The following RMDN3 variants were observed in gnomAD, a reference collection of about 807,000 sequenced individuals.
The protein encoded by RMDN3 is regulator of microtubule dynamics 3, also known as regulator of microtubule dynamics protein 3.
Under a neutral mutation model 61.8 loss-of-function variants are expected in RMDN3, and 41 were observed. The observed-to-expected ratio is 0.66, with a 90% confidence interval of 0.52 to 0.86. The LOEUF is 0.86. RMDN3 is among the 40% of genes least tolerant of loss of function. RMDN3 has a pLI of 0.00. For missense variants in RMDN3, 557 were observed against 585.3 expected (o/e 0.95, Z 0.50); for synonymous variants, 247 against 232.0 (o/e 1.06, Z -0.59).
Position 40,744,147 on chromosome 15 carries a change from A to G in RMDN3, c.810T>C (p.Tyr270=), listed in dbSNP as rs777358508. The change falls in exon 6 of 13, where the codon TAT becomes TAC. Residue 270 remains tyrosine, a splice_region_variant and synonymous_variant. Coordinates refer to ENST00000338376, the MANE Select transcript of RMDN3 (RefSeq NM_018145.3). Reference sequence around the variant, plus strand: ...GCCAGAGAAAGTCCTGCCGGCTTCCATACTGCAGACCAGACAGAAACGGGT... The same window carrying G: ...GCCAGAGAAAGTCCTGCCGGCTTCCGTACTGCAGACCAGACAGAAACGGGT... ...FQLLLNNKLV[Y]GSRQDFLWRL... The G allele has an allele frequency of 1.2e-6, 2 of 1,613,330 alleles. No homozygotes were observed. Among genetic ancestry groups the G allele is most frequent in the African/African-American group, 1.3e-5 (1 of 75,078 alleles).
rs771044381 is a variant in RMDN3 at position 40,754,790 on chromosome 15, C to G, written c.-7G>C. ...GGGCTCCCAGTCTAGACATGCTGCA[C>G]CTGCGGCCAGCAGAAGTCACCGGGA... On this transcript the variant is annotated splice_region_variant and 5_prime_UTR_variant, in exon 2 of 13. Coordinates refer to ENST00000338376, the MANE Select transcript of RMDN3 (RefSeq NM_018145.3). 6.7e-7 allele frequency: 1 copy of G among 1,501,448 alleles called. No homozygotes were observed. Among genetic ancestry groups the G allele is most frequent in the South Asian group, 1.2e-5 (1 of 85,876 alleles). The allele number at this position is 1,501,448 out of a possible 1,614,324, so 93.0% of individuals were successfully genotyped here.
chr15:40,749,368 T>C (rs916901056), intron 4 of RMDN3, among the ~76,000 whole-genome samples: 3 of 152,118 alleles, frequency 2.0e-5, no homozygotes, highest in African/African-American at 7.2e-5. Context: ...ATAAATAGAA[T>C]TGGCTGGGCA....
intron 4 of RMDN3, among the ~76,000 whole-genome samples, chr15:40,750,147 A>C: frequency 6.6e-6 from 1 of 150,782 alleles, no homozygotes; most frequent in Non-Finnish European, 1.5e-5. Flanking sequence ...GGCTCACTGC[A>C]TCCTCAAACT....
intron 5 of RMDN3, among the ~76,000 whole-genome samples, chr15:40,744,500 T>TTGGG (rs796535531): frequency 7.6e-6 from 1 of 131,362 alleles, no homozygotes; most frequent in African/African-American, 2.8e-5. Context: ...TTCTAACTTC[T>TTGGG]GGGGGGGGGG....
intron 10 of RMDN3, 135 bp from the exon 11 acceptor site, chr15:40,737,476 G>A: frequency 9.0e-7 from 1 of 1,112,690 alleles, no homozygotes; most frequent in Non-Finnish European, 1.3e-6. Context: ...TTTTTGATAA[G>A]CTGTGCAAGT....
rs1897622046 is a variant in RMDN3 at position 40,747,449 on chromosome 15, T to G, written c.525-2190A>C. Among the ~76,000 whole-genome samples, 4 of 152,242 alleles carry G rather than the reference T, an allele frequency of 2.6e-5. No homozygotes were observed. In the South Asian group the frequency reaches 8.3e-4, roughly 32 times the overall value. ...ACTTTAATTGCATCTCAGCCCCACT[T>G]TAAGGAACCCTCAACAATCTGAAAC... On this transcript the variant is annotated intron_variant, in intron 4 of 12. Transcript: ENST00000338376.
intron 6 of RMDN3, among the ~76,000 whole-genome samples, chr15:40,743,100 C>T (rs1057080764): frequency 6.6e-6 from 1 of 152,148 alleles, no homozygotes; most frequent in Admixed American, 6.6e-5. Flanking sequence ...GCTGTACTTA[C>T]AATAGAAAGG....
At chr15:40,746,378 T>A (rs1054761878) in intron 4 of RMDN3, among the ~76,000 whole-genome samples, 4 of 152,022 alleles carry the variant, frequency 2.6e-5, no homozygotes, top group African/African-American at 9.6e-5. Context: ...TAGCCAGGCA[T>A]GGTGGCAGGT....
At chr15:40,740,066 AAAG>A in intron 7 of RMDN3, 64 bp downstream of exon 7, 1 of 1,077,068 alleles carries the variant, frequency 9.3e-7, no homozygotes, top group South Asian at 1.3e-5. Flanking sequence ...CAGGCAGAGA[AAAG>A]AAAGGGCTGT....
At chr15:40,736,934 A>G (rs1596036914) in intron 12 of RMDN3, among the ~76,000 whole-genome samples, 190 bp downstream of exon 12, 1 of 151,802 alleles carries the variant, frequency 6.6e-6, no homozygotes, top group Admixed American at 6.6e-5. Context: ...GCTCACTGCA[A>G]CCTCCACCTC....
At chr15:40,752,504 C>A (rs1310944559) in intron 2 of RMDN3, among the ~76,000 whole-genome samples, 1 of 151,320 alleles carries the variant, frequency 6.6e-6, no homozygotes, top group African/African-American at 2.4e-5. Flanking sequence ...AAAACAAAAA[C>A]CTTCACCTCA....
rs769752945 is a variant in RMDN3 at position 40,737,739 on chromosome 15, G to C, written c.1126-13C>G. On this transcript the variant is annotated splice_polypyrimidine_tract_variant and intron_variant, in intron 9 of 12. Coordinates refer to ENST00000338376, the MANE Select transcript of RMDN3 (RefSeq NM_018145.3). The stretch of plus-strand genomic sequence containing the variant: ...TCAGGTGAGAGACCTGCCACAAAAA[G>C]ATCAAGGTGTGTATAAGAGGTTTTA... 2 of 1,612,482 alleles carry C rather than the reference G, an allele frequency of 1.2e-6. No homozygotes were observed. Among genetic ancestry groups the C allele is most frequent in the African/African-American group, 1.3e-5 (1 of 74,928 alleles).
rs960564928 is a variant in RMDN3, at chr15:40,745,245, T to A, written c.539A>T (p.Asn180Ile). 1.2e-6 allele frequency: 2 copies of A among 1,613,730 alleles called. No homozygotes were observed. The highest frequency in any genetic ancestry group is 1.3e-5 in the African/African-American group (1 of 74,996). The change falls in exon 5 of 13, where the codon AAT (asparagine) becomes ATT (isoleucine). Residue 180 changes from asparagine (N) to isoleucine (I), a missense_variant. By Grantham distance (149) the Asn-to-Ile change is moderately radical (BLOSUM62 -3). Coordinates refer to ENST00000338376, the MANE Select transcript of RMDN3 (RefSeq NM_018145.3). ...GTCCCGCTCATTGTCAGACTCCGCA[T>A]TGGCTGTTGTGTAACTGGCAGAGAA... Reference protein sequence around the residue: ...AESEGGYTTANAESDNERDSD... With the variant: ...AESEGGYTTAIAESDNERDSD...
chr15:40,748,293 C>T (rs1382021254), intron 4 of RMDN3, among the ~76,000 whole-genome samples: 1 of 152,212 alleles, frequency 6.6e-6, no homozygotes, highest in Non-Finnish European at 1.5e-5. Flanking sequence ...AGAGCTCCCC[C>T]CTTGACCTAC....
Position 40,735,917 on chromosome 15 carries a change from T to A in RMDN3, c.*624A>T, listed in dbSNP as rs576054635. The A allele has an allele frequency of 6.6e-6, 1 of 152,284 alleles. No individual in the cohort carries two copies. Among genetic ancestry groups the A allele is most frequent in the Admixed American group, 6.5e-5 (1 of 15,290 alleles). 9.4% of individuals were successfully genotyped at this position (152,284 alleles called of 1,614,324 possible). ...TCAAATTTGGTTTATTTCAAGTTTG[T>A]AACAAAATATATTCTAGGCAACTTT... On this transcript the variant is annotated 3_prime_UTR_variant, in exon 13 of 13. Coordinates refer to ENST00000338376, the MANE Select transcript of RMDN3 (RefSeq NM_018145.3).
At chr15:40,740,386 G>A (rs1384587779) in intron 6 of RMDN3, among the ~76,000 whole-genome samples, 193 bp from the exon 7 acceptor site, 3 of 152,302 alleles carry the variant, frequency 2.0e-5, no homozygotes, top group South Asian at 4.1e-4. Context: ...CCTCTGTGCT[G>A]TGTAATCCCA....
chr15:40,737,329 G>A lies in RMDN3; in HGVS notation c.1237C>T (p.Gln413Ter). 5 of 1,613,870 alleles carry A rather than the reference G, an allele frequency of 3.1e-6. No individual in the cohort carries two copies. Among genetic ancestry groups the A allele is most frequent in the Non-Finnish European group, 4.2e-6 (5 of 1,179,774 alleles). ...LQSFLKAEEL[Q>*]PGFSKAGRVY... ...CTTCCTGCTTTGGAAAATCCTGGCT[G>A]TAGTTCTTCAGCCTGGGAAAAGGGA... Residue 413 changes from glutamine to a stop codon, truncating the protein, a stop_gained, in exon 11 of 13, where the codon CAG becomes TAG. Coordinates refer to ENST00000338376, the MANE Select transcript of RMDN3 (RefSeq NM_018145.3). LOFTEE classifies it high-confidence loss of function.
In RMDN3 at chr15:40,752,245, A is replaced by G. The variant is rs1379292368; in HGVS notation, c.188-67T>C. 9 of 1,456,602 alleles carry G rather than the reference A, an allele frequency of 6.2e-6. No individual in the cohort carries two copies. The East Asian group carries it at 2.1e-4, about 33-fold the overall frequency. 90.2% of individuals were successfully genotyped at this position (1,456,602 alleles called of 1,614,324 possible). On this transcript the variant is annotated intron_variant, in intron 2 of 12. Coordinates refer to ENST00000338376, the MANE Select transcript of RMDN3 (RefSeq NM_018145.3). Reference sequence around the variant, plus strand: ...ATGGTGGGGAAGAGATCTCACACCCAGAATTCAAGAATACCTGCTTTCCAT... The same window carrying G: ...ATGGTGGGGAAGAGATCTCACACCCGGAATTCAAGAATACCTGCTTTCCAT...
intron 4 of RMDN3, among the ~76,000 whole-genome samples, chr15:40,745,466 G>A (rs1292354353): frequency 6.8e-6 from 1 of 146,296 alleles, no homozygotes; most frequent in Non-Finnish European, 1.5e-5. Context: ...AGACTGGAGT[G>A]CAGTGGTTCG....
Sources: gnomAD v4.1 joint callset for allele counts (sites outside exome capture counted in the v4.1 genomes callset) on GRCh38, gnomAD v4.1.1 for gene constraint, MANE v1.5 for transcripts, NCBI Gene and HGNC (gene_info 2026-07-23, HGNC 2026-07-21) for gene names.